DCDC1: variants seen among roughly 807,000 people sequenced by gnomAD.
DCDC1 encodes doublecortin domain-containing protein 1.
DCDC1 carries 200 observed loss-of-function variants against 178.3 expected under a neutral mutation model. The ratio of observed to expected loss-of-function variants is 1.12; its 90% CI spans 1.00 to 1.26. The LOEUF (loss-of-function observed/expected upper bound fraction) is 1.26. Among genes scored for constraint, DCDC1 ranks in the 50% most tolerant of loss-of-function variants. DCDC1 has a pLI of 0.00. For missense variants in DCDC1, 1,983 were observed against 1,749.2 expected (o/e 1.13, Z -2.38); for synonymous variants, 690 against 604.8 (o/e 1.14, Z -2.07).
intron 38 of DCDC1, among the ~76,000 whole-genome samples, chr11:30,871,466 T>A (rs1005880825): frequency 1.3e-5 from 2 of 152,174 alleles, no homozygotes; most frequent in African/African-American, 4.8e-5. Context: ...TGAGTCTCTG[T>A]AACTTGTAAC....
chr11:31,048,612 G>C lies in DCDC1; in HGVS notation c.2591+15857C>G, dbSNP rs906124925. On this transcript the variant is annotated intron_variant, in intron 20 of 38. Coordinates refer to ENST00000684477, the MANE Select transcript of DCDC1 (RefSeq NM_001387274.1). The stretch of plus-strand genomic sequence containing the variant: ...CTCATGCCTGTAATCCCAGCACTTG[G>C]AGAGGCCAAGGTGGGTAGATCACGA... 9.2e-5 allele frequency among the ~76,000 whole-genome samples: 14 copies of C among 152,278 alleles called. 1 individual carries two copies. In the East Asian group the frequency reaches 1.7e-3, roughly 19 times the overall value.
At chr11:30,998,321 G>A (rs1308803938) in intron 20 of DCDC1, among the ~76,000 whole-genome samples, 3 of 144,880 alleles carry the variant, frequency 2.1e-5, no homozygotes, top group African/African-American at 8.6e-5. Context: ...AAAGTGGGGA[G>A]GGGGGAGGAA....
chr11:31,288,206 T>A (rs1235695872), intron 7 of DCDC1, among the ~76,000 whole-genome samples: 5 of 151,912 alleles, frequency 3.3e-5, no homozygotes, highest in South Asian at 2.1e-4. Context: ...ATCAGCTATA[T>A]TTCATTTCCC....
intron 20 of DCDC1, among the ~76,000 whole-genome samples, chr11:30,964,994 C>T (rs953527225): frequency 6.6e-6 from 1 of 152,122 alleles, no homozygotes; most frequent in Non-Finnish European, 1.5e-5. Flanking sequence ...AAAAGATAGG[C>T]ATGGTAACTT....
At chr11:31,290,084 G>T (rs1402436464) in intron 7 of DCDC1, among the ~76,000 whole-genome samples, 1 of 151,926 alleles carries the variant, frequency 6.6e-6, no homozygotes, top group African/African-American at 2.4e-5. Context: ...TAAGAAACAC[G>T]CATTTGTATG....
chr11:31,210,377 T>C (rs1972352607), intron 9 of DCDC1, among the ~76,000 whole-genome samples: 1 of 152,186 alleles, frequency 6.6e-6, no homozygotes, highest in Admixed American at 6.5e-5. Flanking sequence ...GAATGACTAA[T>C]AGCATTTATA....
chr11:31,028,468 T>C (rs1480322722), intron 20 of DCDC1, among the ~76,000 whole-genome samples: 1 of 151,988 alleles, frequency 6.6e-6, no homozygotes, highest in Non-Finnish European at 1.5e-5. Flanking sequence ...CCTGTCCATC[T>C]TTTTTACTGC....
chr11:30,899,803 T>G (rs1944527028), intron 33 of DCDC1, among the ~76,000 whole-genome samples, 161 bp from the exon 34 acceptor site: 1 of 152,124 alleles, frequency 6.6e-6, no homozygotes, highest in Non-Finnish European at 1.5e-5. Context: ...ATGACAGGGC[T>G]TAAGGCATTT....
chr11:31,041,143 T>C (rs1000031333), intron 20 of DCDC1, among the ~76,000 whole-genome samples: 1 of 152,198 alleles, frequency 6.6e-6, no homozygotes, highest in Non-Finnish European at 1.5e-5. Flanking sequence ...TCCATGCTCT[T>C]AGGGACAGGA....
intron 20 of DCDC1, among the ~76,000 whole-genome samples, chr11:31,057,416 C>A (rs1955657921): frequency 6.6e-6 from 1 of 151,916 alleles, no homozygotes; most frequent in Non-Finnish European, 1.5e-5. Context: ...TAATACAAAG[C>A]TGAAATATTT....
At chr11:31,270,415 T>C (rs1945471080) in intron 7 of DCDC1, among the ~76,000 whole-genome samples, 1 of 152,204 alleles carries the variant, frequency 6.6e-6, no homozygotes, top group Non-Finnish European at 1.5e-5. Flanking sequence ...CCAAAATTAT[T>C]TTGTTTGCCT....
At chr11:30,882,375 C>A (rs1429751167) in intron 36 of DCDC1, 5 of 151,948 alleles carry the variant, frequency 3.3e-5, no homozygotes, top group Non-Finnish European at 7.4e-5. Context: ...AATATATTCC[C>A]CTCTATAGAA....
chr11:31,026,220 G>C (rs1342256652), intron 20 of DCDC1, among the ~76,000 whole-genome samples: 3 of 151,610 alleles, frequency 2.0e-5, no homozygotes, highest in South Asian at 4.1e-4. Context: ...TTGCAGAAAG[G>C]CCATAAATAT....
intron 34 of DCDC1, 53 bp from the exon 35 acceptor site, chr11:30,894,437 T>G (rs549257225): frequency 1.8e-4 from 284 of 1,594,524 alleles, no homozygotes; most frequent in Admixed American, 4.8e-4. Context: ...CTTTCAGATT[T>G]CAAATAAACT....
intron 18 of DCDC1, among the ~76,000 whole-genome samples, chr11:31,073,569 T>C (rs1956695840): frequency 6.6e-6 from 1 of 152,226 alleles, no homozygotes; most frequent in African/African-American, 2.4e-5. Flanking sequence ...TTTGGTATTG[T>C]CTAAAAATTC....
chr11:31,342,178 A>G (rs768981317), intron 1 of DCDC1, among the ~76,000 whole-genome samples: 5 of 152,170 alleles, frequency 3.3e-5, no homozygotes, highest in Non-Finnish European at 5.9e-5. Context: ...AATCTACAGG[A>G]GATGGGAAGC....
intron 20 of DCDC1, among the ~76,000 whole-genome samples, chr11:31,063,616 T>C (rs1395125394): frequency 1.3e-5 from 2 of 152,164 alleles, no homozygotes; most frequent in African/African-American, 4.8e-5. Flanking sequence ...TGGTGGCTCA[T>C]GCTGATAATC....
At chr11:31,149,564 C>T (rs1964926477) in intron 9 of DCDC1, among the ~76,000 whole-genome samples, 1 of 152,112 alleles carries the variant, frequency 6.6e-6, no homozygotes, top group Non-Finnish European at 1.5e-5. Flanking sequence ...AAGCTTTGTT[C>T]TTTTGCTCTT....
intron 9 of DCDC1, among the ~76,000 whole-genome samples, chr11:31,238,602 C>A (rs1352041991): frequency 6.6e-6 from 1 of 152,056 alleles, no homozygotes; most frequent in African/African-American, 2.4e-5. Flanking sequence ...CCTACTTCAA[C>A]ACCCCCACCA....
Sources: gnomAD v4.1 joint callset for allele counts (sites outside exome capture counted in the v4.1 genomes callset) on GRCh38, gnomAD v4.1.1 for gene constraint, MANE v1.5 for transcripts, NCBI Gene and HGNC (gene_info 2026-07-23, HGNC 2026-07-21) for gene names.